Variants in RFPL2 observed in about 807,000 individuals in gnomAD.
The protein encoded by RFPL2 is ret finger protein-like 2.
In RFPL2, 13 loss-of-function variants were observed where a neutral mutation model predicts 17.8. The observed-to-expected ratio is 0.73, with a 90% CI of 0.47 to 1.16. The LOEUF (loss-of-function observed/expected upper bound fraction) is 1.16. RFPL2 is among the 50% of genes most tolerant of loss of function. The pLI is 0.00. For missense variants in RFPL2, 431 were observed against 479.3 expected (o/e 0.90, Z 0.94); for synonymous variants, 189 against 180.9 (o/e 1.04, Z -0.36).
At position 32,202,840 on chromosome 22, in the gene RFPL2, C is replaced by T; in HGVS notation, c.-99-290G>A. On this transcript the variant is annotated intron_variant, in intron 1 of 4. Transcript: ENST00000652607. ...GCCCTCCCCACCCAAGTGCCGGTTC[C>T]CGTTCCTGATGCCTCCTCCACCCAC... is the stretch of plus-strand genomic sequence containing the variant. 6 of 1,055,490 alleles carry T rather than the reference C, an allele frequency of 5.7e-6. No homozygotes were observed. The South Asian group carries it at 2.0e-4, about 35-fold the overall frequency. 65.4% of individuals were successfully genotyped at this position (1,055,490 alleles called of 1,614,324 possible).
Position 32,200,423 on chromosome 22 carries a change from C to T in RFPL2, c.119+1910G>A, listed in dbSNP as rs555874350. ...AGCTAACATATAATTTGACACTCAC[C>T]CTGGGTTCTCAGTGTGTGTAAGGGG... is the stretch of plus-strand genomic sequence containing the variant. On this transcript the variant is annotated intron_variant, in intron 2 of 4. Transcript: ENST00000652607. 2.2e-4 allele frequency among the ~76,000 whole-genome samples: 34 copies of T among 152,202 alleles called. No individual in the cohort carries two copies. The South Asian group carries it at 6.8e-3, about 31-fold the overall frequency.
At chr22:32,202,821 C>G (rs746893162) in intron 1 of RFPL2, 11 of 1,063,914 alleles carry the variant, frequency 1.0e-5, no homozygotes, top group Non-Finnish European at 1.3e-5. Context: ...GCCAGCCCTC[C>G]CCACCCAAGT....
At chr22:32,194,079 A>AC (rs111556985) in intron 3 of RFPL2, among the ~76,000 whole-genome samples, 4,205 of 100,172 alleles carry the variant, frequency 0.042, 152 homozygotes, top group African/African-American at 0.21. Flanking sequence ...CAGAGTTAAG[A>AC]CCCGTCTCAC....
chr22:32,202,985 G>C lies in RFPL2; in HGVS notation c.-99-435C>G, dbSNP rs796614558. ...ACCACGGGGCTGGGGCCCCTGCCGCGCTCAGGAAATGCTGTGCGCCCGCCG... is the reference window on the plus strand; with the variant it reads ...ACCACGGGGCTGGGGCCCCTGCCGCCCTCAGGAAATGCTGTGCGCCCGCCG... On this transcript the variant is annotated intron_variant, in intron 1 of 4. Coordinates refer to ENST00000652607, the MANE Select transcript of RFPL2 (RefSeq NM_001394555.1). 4 of 985,842 alleles carry C rather than the reference G, an allele frequency of 4.1e-6. No individual in the cohort carries two copies. In the African/African-American group the frequency reaches 7.0e-5, roughly 17 times the overall value. The allele number at this position is 985,842 out of a possible 1,614,324, so 61.1% of individuals were successfully genotyped here.
intron 2 of RFPL2, among the ~76,000 whole-genome samples, chr22:32,197,329 C>T (rs986270192): frequency 2.0e-5 from 3 of 152,180 alleles, no homozygotes; most frequent in Non-Finnish European, 4.4e-5. Flanking sequence ...TGGTTAAAGG[C>T]ACAGTGCTGG....
chr22:32,191,979 A>G (rs959343425), intron 4 of RFPL2, among the ~76,000 whole-genome samples: 5 of 152,210 alleles, frequency 3.3e-5, no homozygotes, highest in African/African-American at 9.7e-5. Flanking sequence ...ATGATCACCA[A>G]TATAGATTTT....
chr22:32,201,723 G>A (rs953805273), intron 2 of RFPL2, among the ~76,000 whole-genome samples: 30 of 152,200 alleles, frequency 2.0e-4, no homozygotes, highest in Middle Eastern at 3.2e-3. Flanking sequence ...CTGAGAGGAA[G>A]GTGTGGAGAC....
intron 1 of RFPL2, chr22:32,203,474 G>A: frequency 6.6e-6 from 1 of 151,364 alleles, no homozygotes; most frequent in Non-Finnish European, 1.5e-5. Flanking sequence ...GCAGTGTAGC[G>A]ATAGGGCACC....
chr22:32,200,913 A>T (rs1923849600), intron 2 of RFPL2, among the ~76,000 whole-genome samples: 1 of 152,070 alleles, frequency 6.6e-6, no homozygotes, highest in African/African-American at 2.4e-5. Flanking sequence ...GGCGTAAAAA[A>T]TTGGGAGGAA....
At position 32,190,721 on chromosome 22, in the gene RFPL2, C is replaced by T. The variant is rs763115381; in HGVS notation, c.*51G>A. On this transcript the variant is annotated 3_prime_UTR_variant, in exon 5 of 5. Coordinates refer to ENST00000652607, the MANE Select transcript of RFPL2 (RefSeq NM_001394555.1). ...ACGAAGTAGAGCGTTCCTAAGTCTA[C>T]CCACCCAAGTAATTTTCTTACCCTG... is the stretch of plus-strand genomic sequence containing the variant. The T allele has an allele frequency of 2.7e-6, 4 of 1,490,862 alleles. No homozygotes were observed. The East Asian group carries it at 9.2e-5, about 34-fold the overall frequency. 92.4% of individuals were successfully genotyped at this position (1,490,862 alleles called of 1,614,324 possible).
Position 32,191,319 on chromosome 22 carries a change from T to C in RFPL2, c.590A>G (p.Asn197Ser), listed in dbSNP as rs754966206. Residue 197 changes from asparagine to serine, a missense_variant, in exon 5 of 5, where the codon AAC becomes AGC. Transcript: ENST00000652607. ...DMTLDANTANNFLLISDDLRS... is the reference protein window; with the variant it reads ...DMTLDANTANSFLLISDDLRS... The stretch of plus-strand genomic sequence containing the variant: ...GAGGTCGTCAGAAATGAGGAGGAAG[T>C]TGTTGGCTGTGTTGGCATCCAAGGT... The C allele has an allele frequency of 1.9e-6, 3 of 1,613,452 alleles. No individual in the cohort carries two copies. The African/African-American group carries it at 4.0e-5, about 22-fold the overall frequency.
chr22:32,201,077 G>T (rs557204143), intron 2 of RFPL2, among the ~76,000 whole-genome samples: 75 of 135,382 alleles, frequency 5.5e-4, no homozygotes, highest in African/African-American at 2.1e-3. Flanking sequence ...TCACACTGTC[G>T]CCCAGGCTGG....
intron 1 of RFPL2, among the ~76,000 whole-genome samples, 32 bp downstream of exon 1, chr22:32,204,675 T>A (rs999608274): frequency 6.6e-6 from 1 of 152,224 alleles, no homozygotes; most frequent in African/African-American, 2.4e-5. Context: ...CTTTCAAGCC[T>A]CCAGCGTGGG....
intron 2 of RFPL2, among the ~76,000 whole-genome samples, chr22:32,198,746 A>C (rs1923621782): frequency 6.6e-6 from 1 of 151,998 alleles, no homozygotes; most frequent in Non-Finnish European, 1.5e-5. Context: ...CTCCCTGTTC[A>C]GATCCCTGCC....
rs529754345 is a variant in RFPL2, at chr22:32,204,267, C to T, written c.-100+440G>A. Among the ~76,000 whole-genome samples, 29 of 150,180 alleles carry T rather than the reference C, an allele frequency of 1.9e-4. No homozygotes were observed. The East Asian group carries it at 5.2e-3, about 27-fold the overall frequency. ...CACAGCCAACAAGTTCCCTGCCATG[C>T]GCACTGATGTCCCAGATAGCGCCCC... On this transcript the variant is annotated intron_variant, in intron 1 of 4. Transcript: ENST00000652607.
intron 2 of RFPL2, among the ~76,000 whole-genome samples, chr22:32,200,715 C>A (rs2123806930): frequency 6.6e-6 from 1 of 152,198 alleles, no homozygotes; most frequent in East Asian, 1.9e-4. Context: ...GCCTCTGTTT[C>A]TTTAGTCTTG....
rs72502005 is a variant in RFPL2 at position 32,203,156 on chromosome 22, G to A, written c.-99-606C>T. The stretch of plus-strand genomic sequence containing the variant: ...CCTAACTCATCCGTGCCTAGTACAT[G>A]CAGCACCCAATGGCGCTGGCAGCCT... On this transcript the variant is annotated intron_variant, in intron 1 of 4. Coordinates refer to ENST00000652607, the MANE Select transcript of RFPL2 (RefSeq NM_001394555.1). The A allele has an allele frequency of 1.3e-5, 12 of 917,430 alleles. No individual in the cohort carries two copies. In the East Asian group the frequency reaches 1.4e-3, roughly 109 times the overall value. The allele number at this position is 917,430 out of a possible 1,614,324, so 56.8% of individuals were successfully genotyped here.
chr22:32,201,652 C>G (rs1485331253), intron 2 of RFPL2, among the ~76,000 whole-genome samples: 2 of 152,188 alleles, frequency 1.3e-5, no homozygotes, highest in East Asian at 3.9e-4. Flanking sequence ...GGGTGGAAAA[C>G]CAGGTCCCAC....
chr22:32,192,890 C>A lies in RFPL2; in HGVS notation c.556+12G>T, dbSNP rs1312911630. 2.5e-6 allele frequency: 4 copies of A among 1,601,614 alleles called. No homozygotes were observed. The highest frequency in any genetic ancestry group is 3.4e-6 in the Non-Finnish European group (4 of 1,173,956). ...GGTCTTGGGAAGGGGGCAGGGTATA[C>A]AGATGCCTTACCTTGGAACTTCCGC... is the stretch of plus-strand genomic sequence containing the variant. On this transcript the variant is annotated intron_variant, in intron 4 of 4. Transcript: ENST00000652607.
Sources: gnomAD v4.1 joint callset for allele counts (sites outside exome capture counted in the v4.1 genomes callset) on GRCh38, gnomAD v4.1.1 for gene constraint, MANE v1.5 for transcripts, NCBI Gene and HGNC (gene_info 2026-07-23, HGNC 2026-07-21) for gene names.